TENM3: variants seen among roughly 807,000 people sequenced by gnomAD.
The protein encoded by TENM3 is teneurin transmembrane protein 3, also known as teneurin-3.
A neutral mutation model predicts 255.1 loss-of-function variants in TENM3; 63 were observed. That is an observed-to-expected ratio of 0.25 (90% confidence interval 0.20 to 0.30). TENM3 has a LOEUF of 0.30. Ranked by LOEUF, TENM3 falls within the 10% of genes least tolerant of loss-of-function variation. The pLI is 1.00. For missense variants in TENM3, 2,929 were observed against 3,461.1 expected (o/e 0.85, Z 3.86); for synonymous variants, 1,306 against 1,322.3 (o/e 0.99, Z 0.27).
At chr4:182,002,604 T>G in the TENM3 span, among the ~76,000 whole-genome samples, 1 of 152,124 alleles carries the variant, frequency 6.6e-6, no homozygotes, top group South Asian at 2.1e-4. Context: ...GTTAATCTGA[T>G]TCCATGATTC....
At chr4:182,773,715 T>A in intron 23 of TENM3, 68 bp downstream of exon 23, 1 of 1,418,000 alleles carries the variant, frequency 7.1e-7, no homozygotes, top group Non-Finnish European at 9.6e-7. Flanking sequence ...AACACCCACT[T>A]TCCAAGGTGA....
the TENM3 span, among the ~76,000 whole-genome samples, chr4:182,066,641 T>C: frequency 2.7e-5 from 4 of 150,374 alleles, no homozygotes; most frequent in Admixed American, 1.3e-4. Flanking sequence ...CCAGGCGCGG[T>C]GGCTCATGCC....
chr4:181,841,012 A>T, the TENM3 span, among the ~76,000 whole-genome samples: 1 of 152,106 alleles, frequency 6.6e-6, no homozygotes, highest in Non-Finnish European at 1.5e-5. Flanking sequence ...AGGAAATGTC[A>T]ATGCTTTGTA....
At chr4:181,933,387 AT>A in the TENM3 span, among the ~76,000 whole-genome samples, 1 of 152,234 alleles carries the variant, frequency 6.6e-6, no homozygotes, top group Admixed American at 6.5e-5. Flanking sequence ...CTGCCTTGAA[AT>A]TTGGTTGTCA....
chr4:181,859,383 C>A, the TENM3 span, among the ~76,000 whole-genome samples: 1 of 151,818 alleles, frequency 6.6e-6, no homozygotes, highest in African/African-American at 2.4e-5. Context: ...AATTATTCAC[C>A]CTTTTCTCCA....
Position 182,792,785 on chromosome 4 carries a change from C to T in TENM3, c.6113C>T (p.Pro2038Leu). ...ATGCAGGGTGTGATCAATGAAACGC[C>T]ACTGCCTATTGATCTGTATCAGTTT... ...TSMQGVINET[P>L]LPIDLYQFDD... The change falls in exon 26 of 28, where the codon CCA becomes CTA. Residue 2038 changes from proline (P) to leucine (L), a missense_variant. By Grantham distance (98) the Pro-to-Leu change is moderately conservative (BLOSUM62 -3). Coordinates refer to ENST00000511685, the MANE Select transcript of TENM3 (RefSeq NM_001080477.4). The surrounding 1 kb of genome is among the most constrained non-coding windows in gnomAD (Gnocchi z 6.3). The T allele has an allele frequency of 6.2e-7, 1 of 1,613,930 alleles. No individual in the cohort carries two copies. Among genetic ancestry groups the T allele is most frequent in the Non-Finnish European group, 8.5e-7 (1 of 1,179,890 alleles).
intron 1 of TENM3, among the ~76,000 whole-genome samples, chr4:182,282,744 C>T (rs998918988): frequency 3.4e-4 from 52 of 151,750 alleles, no homozygotes; most frequent in Non-Finnish European, 1.8e-4. Context: ...AGTACAAAAA[C>T]TAGCTGGATG....
the TENM3 span, among the ~76,000 whole-genome samples, chr4:181,469,010 C>T: frequency 2.0e-5 from 3 of 152,110 alleles, no homozygotes; most frequent in Non-Finnish European, 2.9e-5. Flanking sequence ...TTTTTCAGTA[C>T]ATACATAATC....
At chr4:182,472,402 T>A (rs1733210737) in intron 3 of TENM3, among the ~76,000 whole-genome samples, 1 of 152,220 alleles carries the variant, frequency 6.6e-6, no homozygotes, top group South Asian at 2.1e-4. Flanking sequence ...TTGTTCTGTG[T>A]ACATTTTGTG....
At chr4:182,319,361 C>T (rs1238615414) in intron 1 of TENM3, among the ~76,000 whole-genome samples, 7 of 152,214 alleles carry the variant, frequency 4.6e-5, no homozygotes, top group Non-Finnish European at 7.3e-5. Flanking sequence ...ATATTGAACT[C>T]ACTGACTTCC....
the TENM3 span, among the ~76,000 whole-genome samples, chr4:182,052,020 G>T: frequency 6.6e-6 from 1 of 152,084 alleles, no homozygotes; most frequent in Non-Finnish European, 1.5e-5. Context: ...CGCCTGGGGA[G>T]GGGGTATTAC....
the TENM3 span, among the ~76,000 whole-genome samples, chr4:181,772,377 CA>C: frequency 2.2e-4 from 32 of 143,124 alleles, no homozygotes; most frequent in South Asian, 1.8e-3. Flanking sequence ...GACTCCTTCT[CA>C]AAAAAAAAAT....
At chr4:182,067,518 C>A in the TENM3 span, among the ~76,000 whole-genome samples, 2 of 152,164 alleles carry the variant, frequency 1.3e-5, no homozygotes, top group Admixed American at 6.5e-5. Flanking sequence ...CTGACCGAGG[C>A]TTTGGGAGAC....
the TENM3 span, among the ~76,000 whole-genome samples, chr4:181,780,226 T>C: frequency 6.6e-6 from 1 of 152,242 alleles, no homozygotes; most frequent in Admixed American, 6.5e-5. Flanking sequence ...TCTTCCACAA[T>C]GGTTGAACTA....
the TENM3 span, among the ~76,000 whole-genome samples, chr4:181,758,065 G>A: frequency 6.6e-6 from 1 of 152,102 alleles, no homozygotes. Context: ...CTTTTGTGTG[G>A]GGAACAATGA....
intron 19 of TENM3, among the ~76,000 whole-genome samples, chr4:182,749,955 G>GAAAAA (rs1762258801): frequency 6.8e-6 from 1 of 147,546 alleles, no homozygotes; most frequent in African/African-American, 2.5e-5. Flanking sequence ...AAGACCAGCT[G>GAAAAA]TGTCAACATT....
At chr4:181,549,627 T>C in the TENM3 span, among the ~76,000 whole-genome samples, 50,059 of 152,108 alleles carry the variant, frequency 0.33, 9,401 homozygotes, top group African/African-American at 0.52. Flanking sequence ...AATTATTTCA[T>C]TTTTTCCTGT....
At chr4:181,963,177 G>A in the TENM3 span, among the ~76,000 whole-genome samples, 1 of 152,160 alleles carries the variant, frequency 6.6e-6, no homozygotes, top group Non-Finnish European at 1.5e-5. Flanking sequence ...TTCTACAAAA[G>A]CTGTCTCAAA....
At chr4:182,500,029 T>G (rs1464917956) in intron 3 of TENM3, among the ~76,000 whole-genome samples, 2 of 152,208 alleles carry the variant, frequency 1.3e-5, no homozygotes, top group Admixed American at 6.5e-5. Context: ...TTTAAGACAC[T>G]TATACGACTT....
Sources: allele counts gnomAD v4.1 joint callset (sites outside exome capture counted in the v4.1 genomes callset), GRCh38; gene constraint gnomAD v4.1.1; non-coding constraint Gnocchi (gnomAD v3.1); transcripts MANE v1.5; gene names NCBI Gene and HGNC (gene_info 2026-07-23, HGNC 2026-07-21).